WDFY4: variants seen among roughly 807,000 people sequenced by gnomAD.
WDFY4 encodes the protein WD repeat- and FYVE domain-containing protein 4.
Under a neutral mutation model 351.9 loss-of-function variants are expected in WDFY4, and 169 were observed. That is an observed-to-expected ratio of 0.48 (90% CI 0.42 to 0.55). The LOEUF is 0.55. Ranked by LOEUF, WDFY4 falls within the 20% of genes least tolerant of loss-of-function variation. The pLI is 0.00. For synonymous variants in WDFY4, 1,622 were observed against 1,574.6 expected, an observed-to-expected ratio of 1.03 and a Z score of -0.71; for missense variants, 3,803 against 3,935.6, an observed-to-expected ratio of 0.97 and a Z score of 0.90.
In WDFY4 at chr10:48,966,628, T is replaced by C. The variant is rs201741552; in HGVS notation, c.8539T>C (p.Phe2847Leu). 30 of 1,551,882 alleles carry C rather than the reference T, an allele frequency of 1.9e-5. No individual in the cohort carries two copies. Among genetic ancestry groups the C allele is most frequent in the Non-Finnish European group, 2.6e-5 (30 of 1,147,020 alleles). Residue 2847 changes from phenylalanine (F) to leucine (L), a missense_variant, in exon 55 of 62, where the codon TTC (phenylalanine) becomes CTC (leucine). By Grantham distance (22) the Phe-to-Leu change is conservative. Transcript: ENST00000325239. ...VSLPGHPQPF[F>L]YSLQSLRPSQ... is the part of the protein sequence containing the mutation. ...CCTGCCTGGCCACCCACAGCCCTTT[T>C]TCTACAGCCTGCAGTCGCTGAGGCC...
chr10:48,834,050 C>T (rs1247747645), intron 39 of WDFY4, among the ~76,000 whole-genome samples: 1 of 152,194 alleles, frequency 6.6e-6, no homozygotes, highest in Non-Finnish European at 1.5e-5. Context: ...AAATGAATGG[C>T]TGGGCTGACC....
In WDFY4 at chr10:48,721,308, G is replaced by T; in HGVS notation, c.397G>T (p.Val133Leu). ...AGQLLWWKGD[V>L]DQDGYLLLKS... is the part of the protein sequence containing the mutation. ...ACAGTTGCTGTGGTGGAAGGGGGAC[G>T]TGGATCAGGATGGCTACTTGCTCCT... The change falls in exon 4 of 62, where the codon GTG (valine) becomes TTG (leucine). Residue 133 changes from valine (V) to leucine (L), a missense_variant. Around this residue, in one of 3 missense-constraint regions of WDFY4, gnomAD observed 488 missense variants for 456.8 expected, o/e 1.07. Transcript: ENST00000325239. The T allele has an allele frequency of 6.4e-7, 1 of 1,551,690 alleles. No individual in the cohort carries two copies. The highest frequency in any genetic ancestry group is 8.7e-7 in the Non-Finnish European group (1 of 1,146,982).
chr10:48,824,006 GA>G lies in WDFY4; in HGVS notation c.5982+1474del, dbSNP rs1308514316. ...TAACAAATTCATTTTCTATCGGACT[GA>G]AAAACTTTGTGCATACTCTTTGTAT... is the stretch of plus-strand genomic sequence containing the variant. On this transcript the variant is annotated intron_variant, in intron 35 of 61. Coordinates refer to ENST00000325239, the MANE Select transcript of WDFY4 (RefSeq NM_001394531.1). 3.0e-6 allele frequency: 3 copies of G among 985,334 alleles called. No homozygotes were observed. The East Asian group carries it at 3.4e-4, about 112-fold the overall frequency. 61.0% of individuals were successfully genotyped at this position (985,334 alleles called of 1,614,324 possible).
intron 39 of WDFY4, among the ~76,000 whole-genome samples, chr10:48,858,999 T>A (rs930815314): frequency 3.9e-5 from 6 of 152,190 alleles, no homozygotes; most frequent in African/African-American, 1.4e-4. Context: ...AGCATCCATG[T>A]GTTCATTGCT....
At chr10:48,800,274 G>A (rs2132826412) in intron 24 of WDFY4, among the ~76,000 whole-genome samples, 1 of 152,274 alleles carries the variant, frequency 6.6e-6, no homozygotes, top group Non-Finnish European at 1.5e-5. Context: ...AATAGTAGTG[G>A]GAGAAGAAAC....
intron 47 of WDFY4, among the ~76,000 whole-genome samples, chr10:48,927,321 G>A (rs1264846122): frequency 6.6e-6 from 1 of 152,100 alleles, no homozygotes; most frequent in African/African-American, 2.4e-5. Flanking sequence ...TGCCATTTCA[G>A]TCATCCGCAA....
intron 12 of WDFY4, among the ~76,000 whole-genome samples, chr10:48,755,213 A>G (rs1379050898): frequency 6.6e-6 from 1 of 152,152 alleles, no homozygotes; most frequent in Non-Finnish European, 1.5e-5. Context: ...GCTCAGCATA[A>G]GGCCTTTCAG....
At chr10:48,955,889 G>T (rs763504035) in intron 51 of WDFY4, among the ~76,000 whole-genome samples, 1 of 152,126 alleles carries the variant, frequency 6.6e-6, no homozygotes, top group Non-Finnish European at 1.5e-5. Context: ...TTCCACATGT[G>T]TGCTCTGCAG....
At chr10:48,952,045 T>C (rs760913413) in intron 51 of WDFY4, among the ~76,000 whole-genome samples, 1 of 152,242 alleles carries the variant, frequency 6.6e-6, no homozygotes, top group Admixed American at 6.5e-5. Context: ...ACAAGACAGA[T>C]GCTAACTGCA....
Position 48,790,043 on chromosome 10 carries a change from G to A in WDFY4, c.4066+58G>A, listed in dbSNP as rs2132738505. The A allele has an allele frequency of 1.1e-5, 17 of 1,504,610 alleles. No individual in the cohort carries two copies. The South Asian group carries it at 1.9e-4, about 17-fold the overall frequency. The allele number at this position is 1,504,610 out of a possible 1,614,324, so 93.2% of individuals were successfully genotyped here. A position where few individuals can be genotyped will look rare whatever the true frequency, so the allele number is the denominator to read the frequency against. Reference sequence around the variant, plus strand: ...GGGAAGCAGGGTTTGTGCTGTCATGGCTTGTGCACCCTGGAGTTCTGGAGT... The same window carrying A: ...GGGAAGCAGGGTTTGTGCTGTCATGACTTGTGCACCCTGGAGTTCTGGAGT... On this transcript the variant is annotated intron_variant, in intron 22 of 61. Transcript: ENST00000325239.
chr10:48,933,370 G>A (rs747703647), intron 47 of WDFY4, among the ~76,000 whole-genome samples: 12 of 152,206 alleles, frequency 7.9e-5, no homozygotes, highest in Admixed American at 1.3e-4. Flanking sequence ...CGCATGCCTC[G>A]ACTGGAGCCA....
chr10:48,914,655 C>G (rs1275058812), intron 47 of WDFY4, among the ~76,000 whole-genome samples: 1 of 152,184 alleles, frequency 6.6e-6, no homozygotes, highest in Non-Finnish European at 1.5e-5. Flanking sequence ...GCTGAGTTTT[C>G]CAGCCAACAT....
At chr10:48,788,721 C>T in intron 21 of WDFY4, 46 bp downstream of exon 21, 1 of 1,544,736 alleles carries the variant, frequency 6.5e-7, no homozygotes, top group African/African-American at 1.4e-5. Flanking sequence ...AATCTGGTTT[C>T]ATGGTTTGCA....
At chr10:48,845,615 C>T (rs1241703691) in intron 39 of WDFY4, among the ~76,000 whole-genome samples, 2 of 152,128 alleles carry the variant, frequency 1.3e-5, no homozygotes, top group African/African-American at 2.4e-5. Context: ...TGATCATCTG[C>T]CTTGTGGGCC....
chr10:48,907,898 T>G (rs1837702014), intron 47 of WDFY4, among the ~76,000 whole-genome samples: 1 of 152,164 alleles, frequency 6.6e-6, no homozygotes, highest in South Asian at 2.1e-4. Flanking sequence ...TATACCAGAG[T>G]CACTGGGACC....
chr10:48,689,115 T>C (rs1461985529), intron 1 of WDFY4, among the ~76,000 whole-genome samples: 2 of 151,878 alleles, frequency 1.3e-5, no homozygotes, highest in Non-Finnish European at 2.9e-5. Flanking sequence ...ATATCTTGTG[T>C]AGGAGGGTAA....
chr10:48,763,144 C>G (rs1419683868), intron 13 of WDFY4, among the ~76,000 whole-genome samples: 1 of 152,216 alleles, frequency 6.6e-6, no homozygotes, highest in Non-Finnish European at 1.5e-5. Flanking sequence ...GACTATTACA[C>G]ATTAGACATC....
chr10:48,817,440 A>G, intron 32 of WDFY4, 31 bp downstream of exon 32: 1 of 1,517,910 alleles, frequency 6.6e-7, no homozygotes, highest in Non-Finnish European at 8.9e-7. Flanking sequence ...ACCCAGAGAG[A>G]GCAGTTGTGA....
At chr10:48,982,391 C>A in intron 61 of WDFY4, 118 bp from the exon 62 acceptor site, 2 of 855,494 alleles carry the variant, frequency 2.3e-6, no homozygotes, top group Non-Finnish European at 3.4e-6. Flanking sequence ...GGAGACAAGA[C>A]CAGGGGCAAG....
Sources: gnomAD v4.1 joint callset for allele counts (sites outside exome capture counted in the v4.1 genomes callset) on GRCh38, gnomAD v4.1.1 for gene constraint, gnomAD v4.1.1 regional missense constraint, MANE v1.5 for transcripts, NCBI Gene and HGNC (gene_info 2026-07-23, HGNC 2026-07-21) for gene names.